The following DGKI variants were observed in gnomAD, a reference collection of about 807,000 sequenced individuals.
DGKI encodes diacylglycerol kinase iota.
A neutral mutation model predicts 147.5 loss-of-function variants in DGKI; 55 were observed. The observed-to-expected ratio is 0.37, with a 90% CI of 0.30 to 0.47. DGKI has a LOEUF of 0.47. Ranked by LOEUF, DGKI falls within the 20% of genes least tolerant of loss-of-function variation. The probability of loss-of-function intolerance (pLI) is 1.00; values close to 1 mark genes in which losing one functional copy is unlikely to be tolerated. For synonymous variants in DGKI, 469 were observed against 477.1 expected (o/e 0.98, Z 0.22); for missense variants, 1,007 against 1,323.8 (o/e 0.76, Z 3.71).
At chr7:137,780,093 T>C (rs939397895) in intron 1 of DGKI, among the ~76,000 whole-genome samples, 3 of 152,244 alleles carry the variant, frequency 2.0e-5, no homozygotes, top group African/African-American at 7.2e-5. Flanking sequence ...GTTTCCATAG[T>C]AGTCCTGTAT....
At chr7:137,820,528 C>A (rs1797866173) in intron 1 of DGKI, among the ~76,000 whole-genome samples, 1 of 152,184 alleles carries the variant, frequency 6.6e-6, no homozygotes, top group Non-Finnish European at 1.5e-5. Context: ...GAGGCTCTTC[C>A]ATGTAAAACA....
chr7:137,406,702 C>T (rs2128898242), intron 30 of DGKI, among the ~76,000 whole-genome samples: 1 of 152,288 alleles, frequency 6.6e-6, no homozygotes, highest in Middle Eastern at 3.4e-3. Flanking sequence ...GCTATGTTAT[C>T]TATCTGTGGC....
intron 28 of DGKI, among the ~76,000 whole-genome samples, chr7:137,433,078 A>C (rs1027514659): frequency 7.2e-5 from 11 of 152,228 alleles, no homozygotes; most frequent in African/African-American, 2.7e-4. Context: ...GGATTGACAT[A>C]ACAAGTCTGG....
At chr7:137,523,286 C>T (rs934412570) in intron 20 of DGKI, among the ~76,000 whole-genome samples, 2 of 151,978 alleles carry the variant, frequency 1.3e-5, no homozygotes, top group Admixed American at 1.3e-4. Context: ...AAAAAATAAT[C>T]TCATTCTGTT....
chr7:137,640,853 C>G lies in DGKI; in HGVS notation c.804+4619G>C, dbSNP rs74390875. 2.1e-3 allele frequency among the ~76,000 whole-genome samples: 315 copies of G among 152,226 alleles called. 11 individuals are homozygous for G. The East Asian group carries it at 0.056, about 27-fold the overall frequency. On this transcript the variant is annotated intron_variant, in intron 6 of 32. Coordinates refer to ENST00000614521, the MANE Select transcript of DGKI (RefSeq NM_001321708.2). ...ATAAAGAGTAGTTTTGATGTTTTCC[C>G]ATTTAATAAACACAGCATGCTATTT...
intron 1 of DGKI, among the ~76,000 whole-genome samples, chr7:137,742,326 AT>A (rs1795197347): frequency 6.6e-6 from 1 of 152,126 alleles, no homozygotes; most frequent in Non-Finnish European, 1.5e-5. Flanking sequence ...TAAAAAAAAA[AT>A]AAAGGAAGAA....
chr7:137,610,666 TGAGTA>T (rs1182708612), intron 8 of DGKI, among the ~76,000 whole-genome samples: 1 of 152,216 alleles, frequency 6.6e-6, no homozygotes, highest in Non-Finnish European at 1.5e-5. Context: ...ATGCATTGTT[TGAGTA>T]AAGTTGTCAA....
chr7:137,713,258 C>T (rs1257845935), intron 1 of DGKI, among the ~76,000 whole-genome samples: 1 of 152,140 alleles, frequency 6.6e-6, no homozygotes, highest in African/African-American at 2.4e-5. Flanking sequence ...CAAATAGATA[C>T]CTGGCTCCAG....
chr7:137,456,771 G>A (rs1814222520), intron 27 of DGKI, among the ~76,000 whole-genome samples: 1 of 152,180 alleles, frequency 6.6e-6, no homozygotes, highest in African/African-American at 2.4e-5. Flanking sequence ...TAAAATGGAT[G>A]TTTAACATTA....
intron 1 of DGKI, among the ~76,000 whole-genome samples, chr7:137,734,398 T>C (rs182818954): frequency 1.3e-5 from 2 of 152,008 alleles, no homozygotes; most frequent in Admixed American, 1.3e-4. Context: ...TCTCACAGAT[T>C]TGCGGGTCAG....
chr7:137,722,877 A>C, intron 1 of DGKI: 1 of 808,752 alleles, frequency 1.2e-6, no homozygotes, highest in Non-Finnish European at 1.9e-6. Flanking sequence ...TTAATTAAAT[A>C]GTTGACTACG....
chr7:137,677,394 T>A (rs1279070239), intron 3 of DGKI, among the ~76,000 whole-genome samples: 1 of 152,224 alleles, frequency 6.6e-6, no homozygotes, highest in Non-Finnish European at 1.5e-5. Flanking sequence ...CGACTTCCAA[T>A]CCAGAGCCTG....
intron 1 of DGKI, among the ~76,000 whole-genome samples, chr7:137,792,599 C>T (rs1243554521): frequency 6.6e-6 from 1 of 152,198 alleles, no homozygotes; most frequent in Non-Finnish European, 1.5e-5. Flanking sequence ...GATATTTGTT[C>T]CTTCCAAATC....
intron 19 of DGKI, among the ~76,000 whole-genome samples, chr7:137,568,265 C>T (rs1818658634): frequency 6.6e-6 from 1 of 152,212 alleles, no homozygotes; most frequent in Non-Finnish European, 1.5e-5. Flanking sequence ...ATTCCTCCTA[C>T]TTCCAAATGT....
chr7:137,588,623 T>C (rs1190312298), intron 12 of DGKI, among the ~76,000 whole-genome samples: 3 of 152,020 alleles, frequency 2.0e-5, no homozygotes, highest in South Asian at 4.1e-4. Flanking sequence ...ACTACAGGCG[T>C]ATGCCACCAC....
In DGKI at chr7:137,545,959, A is replaced by T. The variant is rs1345551822; in HGVS notation, c.2147+6410T>A. 4 of 702,604 alleles carry T rather than the reference A, an allele frequency of 5.7e-6. No individual in the cohort carries two copies. The African/African-American group carries it at 7.0e-5, about 12-fold the overall frequency. 43.5% of individuals were successfully genotyped at this position (702,604 alleles called of 1,614,324 possible). ...GCAGGTCCGCAGTTTGCACCTGATGAATACTAGAGGCAGCAGGGAATGAGC... is the reference window on the plus strand; with the variant it reads ...GCAGGTCCGCAGTTTGCACCTGATGTATACTAGAGGCAGCAGGGAATGAGC... On this transcript the variant is annotated intron_variant, in intron 20 of 32. Coordinates refer to ENST00000614521, the MANE Select transcript of DGKI (RefSeq NM_001321708.2).
rs187894337 is a variant in DGKI, at chr7:137,432,658, G to A, written c.2761+11419C>T. On this transcript the variant is annotated intron_variant, in intron 28 of 32. Transcript: ENST00000614521. ...TAAGTAATTTGCTGAAGACCTCATG[G>A]CTAATATGGAATAAAACCAGCATGT... Among the ~76,000 whole-genome samples the A allele has an allele frequency of 1.3e-4, 20 of 152,218 alleles. No individual in the cohort carries two copies. The East Asian group carries it at 3.7e-3, about 28-fold the overall frequency.
chr7:137,386,128 T>C lies in DGKI; in HGVS notation c.*5092A>G, dbSNP rs1224689496. ...CCATTCAATTTTCACGTTTCTATTT[T>C]AAAATCCATGCTACAAGAGCCTAAG... On this transcript the variant is annotated 3_prime_UTR_variant, in exon 33 of 33. Coordinates refer to ENST00000614521, the MANE Select transcript of DGKI (RefSeq NM_001321708.2). 1 of 152,176 alleles carries C rather than the reference T, an allele frequency of 6.6e-6. No individual in the cohort carries two copies. The allele number at this position is 152,176 out of a possible 1,614,324, so 9.4% of individuals were successfully genotyped here.
Position 137,386,087 on chromosome 7 carries a change from A to G in DGKI, c.*5133T>C, listed in dbSNP as rs1188722291. The G allele has an allele frequency of 6.6e-6, 1 of 152,190 alleles. No individual in the cohort carries two copies. The highest frequency in any genetic ancestry group is 2.4e-5 in the African/African-American group (1 of 41,448). 9.4% of individuals were successfully genotyped at this position (152,190 alleles called of 1,614,324 possible). A position where few individuals can be genotyped will look rare whatever the true frequency, so the allele number is the denominator to read the frequency against. ...CATATGTAAATAGACTCTGGAGTCT[A>G]TGCATTATGAAGATACCATTCAATT... On this transcript the variant is annotated 3_prime_UTR_variant, in exon 33 of 33. Coordinates refer to ENST00000614521, the MANE Select transcript of DGKI (RefSeq NM_001321708.2).
Sources: allele counts gnomAD v4.1 joint callset (sites outside exome capture counted in the v4.1 genomes callset), GRCh38; gene constraint gnomAD v4.1.1; transcripts MANE v1.5; gene names NCBI Gene and HGNC (gene_info 2026-07-23, HGNC 2026-07-21).